Variants in FAF1 observed in about 807,000 individuals in gnomAD.
FAF1 encodes Fas associated factor 1, also known as FAS-associated factor 1.
In FAF1, 25 loss-of-function variants were observed where a neutral mutation model predicts 92.5. The ratio of observed to expected loss-of-function variants is 0.27; its 90% CI spans 0.20 to 0.38. The LOEUF is 0.38. Ranked by LOEUF, FAF1 falls within the 10% of genes least tolerant of loss-of-function variation. The pLI is 1.00. For synonymous variants in FAF1, 234 were observed against 273.2 expected (o/e 0.86, Z 1.42); for missense variants, 636 against 793.3 (o/e 0.80, Z 2.38).
At chr1:50,850,920 AC>A (rs1029049039) in intron 2 of FAF1, among the ~76,000 whole-genome samples, 1 of 152,182 alleles carries the variant, frequency 6.6e-6, no homozygotes, top group African/African-American at 2.4e-5. Flanking sequence ...CATCATATTT[AC>A]AGGTGTGCTA....
chr1:50,659,636 T>C (rs1203277651), intron 7 of FAF1, among the ~76,000 whole-genome samples: 4 of 152,204 alleles, frequency 2.6e-5, no homozygotes, highest in Non-Finnish European at 5.9e-5. Flanking sequence ...TGAACCTTCA[T>C]GATCTTTTCA....
intron 2 of FAF1, among the ~76,000 whole-genome samples, chr1:50,850,299 T>C (rs1242865848): frequency 1.3e-5 from 2 of 152,140 alleles, no homozygotes; most frequent in Admixed American, 6.6e-5. Flanking sequence ...AACTCATTCA[T>C]GATGAAGAGG....
chr1:50,493,317 G>A (rs1646862108), intron 15 of FAF1, among the ~76,000 whole-genome samples: 1 of 152,182 alleles, frequency 6.6e-6, no homozygotes, highest in Non-Finnish European at 1.5e-5. Context: ...ACAGGCATGA[G>A]CCACCACACC....
chr1:50,864,274 T>C (rs1644461539), intron 1 of FAF1, among the ~76,000 whole-genome samples: 1 of 149,794 alleles, frequency 6.7e-6, no homozygotes, highest in Non-Finnish European at 1.5e-5. Flanking sequence ...CTTGCTTTTC[T>C]AGTTCTTTTA....
At chr1:50,883,981 CA>C (rs1644636043) in intron 1 of FAF1, among the ~76,000 whole-genome samples, 1 of 151,780 alleles carries the variant, frequency 6.6e-6, no homozygotes, top group South Asian at 2.1e-4. Context: ...AAAAATTAGC[CA>C]GGCATGGTGG....
intron 4 of FAF1, among the ~76,000 whole-genome samples, chr1:50,759,435 A>G (rs1437108936): frequency 1.3e-5 from 2 of 151,678 alleles, no homozygotes; most frequent in African/African-American, 2.4e-5. Context: ...GTTTACTGAG[A>G]ATGATGGTTT....
chr1:50,446,537 T>C (rs1212155736), intron 18 of FAF1, among the ~76,000 whole-genome samples: 1 of 152,180 alleles, frequency 6.6e-6, no homozygotes, highest in African/African-American at 2.4e-5. Flanking sequence ...AGATAAGGGA[T>C]ACTCCACCTG....
chr1:50,873,896 C>T (rs1189569680), intron 1 of FAF1, among the ~76,000 whole-genome samples: 2 of 152,124 alleles, frequency 1.3e-5, no homozygotes, highest in Non-Finnish European at 2.9e-5. Context: ...TCTCGCATAC[C>T]CTGCATCATT....
intron 4 of FAF1, among the ~76,000 whole-genome samples, chr1:50,754,163 T>C (rs1659984871): frequency 1.3e-5 from 2 of 152,206 alleles, no homozygotes; most frequent in Non-Finnish European, 2.9e-5. Context: ...CCTGGTAATT[T>C]TTTATTGGAT....
intron 5 of FAF1, among the ~76,000 whole-genome samples, chr1:50,742,579 T>C (rs1659432595): frequency 6.6e-6 from 1 of 152,144 alleles, no homozygotes; most frequent in Non-Finnish European, 1.5e-5. Context: ...AGACAGGGTT[T>C]TGTCATGTTG....
chr1:50,790,430 G>A (rs888978696), intron 3 of FAF1, among the ~76,000 whole-genome samples: 4 of 152,044 alleles, frequency 2.6e-5, no homozygotes, highest in Non-Finnish European at 4.4e-5. Flanking sequence ...GTGAGCCACC[G>A]CACCCGGCTT....
intron 1 of FAF1, among the ~76,000 whole-genome samples, chr1:50,922,621 C>T (rs1259030379): frequency 6.6e-6 from 1 of 151,350 alleles, no homozygotes; most frequent in Non-Finnish European, 1.5e-5. Flanking sequence ...GAGTTTGAGA[C>T]CAGCCTGACC....
At chr1:50,621,314 G>A (rs886662476) in intron 8 of FAF1, among the ~76,000 whole-genome samples, 1 of 151,906 alleles carries the variant, frequency 6.6e-6, no homozygotes, top group Admixed American at 6.6e-5. Context: ...ATGGGCCTTC[G>A]CAGGAGCCAG....
chr1:50,607,840 C>T (rs1229518390), intron 8 of FAF1, among the ~76,000 whole-genome samples: 1 of 152,198 alleles, frequency 6.6e-6, no homozygotes, highest in Non-Finnish European at 1.5e-5. Flanking sequence ...CCCAGAATCC[C>T]AGGTGGGAAC....
At chr1:50,624,877 C>A (rs1316515746) in intron 8 of FAF1, among the ~76,000 whole-genome samples, 2 of 150,054 alleles carry the variant, frequency 1.3e-5, no homozygotes, top group African/African-American at 4.9e-5. Flanking sequence ...CCCTTTTATA[C>A]AGCACTAGAA....
At chr1:50,497,540 CTTTTTTTTTTT>C (rs61258960) in intron 15 of FAF1, among the ~76,000 whole-genome samples, 13,469 of 100,974 alleles carry the variant, frequency 0.13, 657 homozygotes, top group African/African-American at 0.19. Flanking sequence ...ATTCAAAACT[CTTTTTTTTTTT>C]TTTTTTTTTT....
chr1:50,886,933 A>T (rs1429024295), intron 1 of FAF1, among the ~76,000 whole-genome samples: 1 of 152,194 alleles, frequency 6.6e-6, no homozygotes, highest in Non-Finnish European at 1.5e-5. Flanking sequence ...TTCTACTTCT[A>T]GATCCTTGAG....
chr1:50,861,467 C>T (rs546684726), intron 1 of FAF1, among the ~76,000 whole-genome samples: 1 of 151,860 alleles, frequency 6.6e-6, no homozygotes, highest in South Asian at 2.1e-4. Context: ...AAGTCAAAAA[C>T]CGTATGTTCT....
chr1:50,563,459 T>C (rs2149054120), intron 13 of FAF1, among the ~76,000 whole-genome samples: 1 of 152,068 alleles, frequency 6.6e-6, no homozygotes, highest in East Asian at 1.9e-4. Flanking sequence ...CCTTTAGCAC[T>C]TCTCAAGACT....
Sources: gnomAD v4.1 joint callset for allele counts (sites outside exome capture counted in the v4.1 genomes callset) on GRCh38, gnomAD v4.1.1 for gene constraint, MANE v1.5 for transcripts, NCBI Gene and HGNC (gene_info 2026-07-23, HGNC 2026-07-21) for gene names.